The following BAZ1B variants were observed in gnomAD, a reference collection of about 807,000 sequenced individuals.
BAZ1B encodes the protein bromodomain adjacent to zinc finger domain 1B.
In BAZ1B, 22 loss-of-function variants were observed where a neutral mutation model predicts 153.8. The observed-to-expected ratio is 0.14, with a 90% CI of 0.10 to 0.20. The LOEUF is 0.20. BAZ1B is among the 10% of genes least tolerant of loss of function. The probability of loss-of-function intolerance (pLI) is 1.00; values close to 1 mark genes in which losing one functional copy is unlikely to be tolerated. For missense variants in BAZ1B, 1,325 were observed against 1,799.3 expected (o/e 0.74, Z 4.77); for synonymous variants, 676 against 633.4 (o/e 1.07, Z -1.01).
intron 1 of BAZ1B, among the ~76,000 whole-genome samples, chr7:73,516,789 A>G (rs1554579374): frequency 6.6e-6 from 1 of 150,770 alleles, no homozygotes; most frequent in African/African-American, 2.4e-5. Context: ...AAAAAAAAAA[A>G]AAAAAAAAAA....
intron 15 of BAZ1B, among the ~76,000 whole-genome samples, chr7:73,447,671 C>A (rs1360105567): frequency 6.6e-6 from 1 of 152,168 alleles, no homozygotes; most frequent in Non-Finnish European, 1.5e-5. Flanking sequence ...CTTCCCCACA[C>A]AAAGCAATAC....
chr7:73,519,387 T>C (rs1260122353), intron 1 of BAZ1B, among the ~76,000 whole-genome samples: 1 of 152,174 alleles, frequency 6.6e-6, no homozygotes, highest in Non-Finnish European at 1.5e-5. Flanking sequence ...TAAAGAAATA[T>C]GCCAATCTGC....
At chr7:73,508,506 GA>G in intron 2 of BAZ1B, 35 bp from the exon 3 acceptor site, 1 of 1,572,450 alleles carries the variant, frequency 6.4e-7, no homozygotes. Flanking sequence ...AGAAAACACA[GA>G]AACACCTACC....
At chr7:73,509,406 G>A (rs1182996786) in intron 2 of BAZ1B, among the ~76,000 whole-genome samples, 2 of 151,990 alleles carry the variant, frequency 1.3e-5, no homozygotes, top group Admixed American at 6.6e-5. Flanking sequence ...GCAAATATAC[G>A]TAAAGCACTG....
chr7:73,453,376 A>G (rs1788084287), intron 13 of BAZ1B, among the ~76,000 whole-genome samples: 2 of 152,260 alleles, frequency 1.3e-5, no homozygotes, highest in Non-Finnish European at 2.9e-5. Flanking sequence ...CTCATCTGAC[A>G]AACTAAAATG....
At chr7:73,514,908 T>C (rs1790734878) in intron 1 of BAZ1B, among the ~76,000 whole-genome samples, 1 of 151,754 alleles carries the variant, frequency 6.6e-6, no homozygotes, top group Non-Finnish European at 1.5e-5. Flanking sequence ...GGTGAAACCC[T>C]GTCTCTACTA....
Position 73,470,400 on chromosome 7 carries a change from T to C in BAZ1B, c.2677A>G (p.Lys893Glu). The C allele has an allele frequency of 6.2e-7, 1 of 1,614,176 alleles. No homozygotes were observed. Among genetic ancestry groups the C allele is most frequent in the Non-Finnish European group, 8.5e-7 (1 of 1,180,016 alleles). ...AEKAFQEGIA[K>E]AKLVMRRTPI... ...GTCCTGCGCATGACTAGTTTGGCCT[T>C]GGCAATCCCTTCCTGGAAAGCTTTC... Residue 893 changes from lysine to glutamate, a missense_variant, in exon 8 of 20, where the codon AAG (lysine) becomes GAG (glutamate). Physicochemically the swap from Lys to Glu is moderately conservative, Grantham distance 56 (BLOSUM62 1). This residue lies in a region of BAZ1B where 431 missense variants were observed against 563.5 expected (regional missense o/e 0.76). Transcript: ENST00000339594.
chr7:73,501,324 C>T (rs1554577121), intron 3 of BAZ1B, among the ~76,000 whole-genome samples: 1 of 152,156 alleles, frequency 6.6e-6, no homozygotes, highest in African/African-American at 2.4e-5. Context: ...CTTTGACAAC[C>T]TGTACAAGAT....
rs781889520 is a variant in BAZ1B, at chr7:73,508,491, T to C, written c.225-20A>G. ...TTCAAACTAAATAAATGTAATTAGT[T>C]ATCAAGAAAACACAGAAACACCTAC... On this transcript the variant is annotated intron_variant, in intron 2 of 19. Transcript: ENST00000339594. 188 of 1,589,282 alleles carry C rather than the reference T, an allele frequency of 1.2e-4. No individual in the cohort carries two copies. Among genetic ancestry groups the C allele is most frequent in the Non-Finnish European group, 1.6e-4 (184 of 1,167,732 alleles).
At chr7:73,514,060 C>T (rs1157228249) in intron 1 of BAZ1B, among the ~76,000 whole-genome samples, 1 of 152,140 alleles carries the variant, frequency 6.6e-6, no homozygotes, top group Admixed American at 6.6e-5. Flanking sequence ...ATTATACTTA[C>T]TAGTTCAGCA....
In BAZ1B at chr7:73,477,048, T is replaced by G; in HGVS notation, c.2413A>C (p.Asn805His). 6.2e-7 allele frequency: 1 copy of G among 1,614,194 alleles called. No individual in the cohort carries two copies. Among genetic ancestry groups the G allele is most frequent in the Non-Finnish European group, 8.5e-7 (1 of 1,180,028 alleles). Residue 805 changes from asparagine (N) to histidine (H), a missense_variant, in exon 7 of 20, where the codon AAT becomes CAT. Transcript: ENST00000339594. This position sits in a 1 kb window ranked among gnomAD's most constrained non-coding sequence, Gnocchi z 5.6. Reference sequence around the variant, plus strand: ...TTCTCAACTTTTCCATTTTCTTTATTTTTGGCTTCCATTTCTTTCCGTTTC... The same window carrying G: ...TTCTCAACTTTTCCATTTTCTTTATGTTTGGCTTCCATTTCTTTCCGTTTC... ...KQKRKEMEAK[N>H]KENGKVENGL...
At chr7:73,495,913 T>C (rs909581106) in intron 4 of BAZ1B, among the ~76,000 whole-genome samples, 3 of 152,160 alleles carry the variant, frequency 2.0e-5, no homozygotes, top group Non-Finnish European at 4.4e-5. Context: ...GGCTTAACAC[T>C]TGGGTGATGA....
At chr7:73,497,140 A>G (rs1789943860) in intron 4 of BAZ1B, among the ~76,000 whole-genome samples, 1 of 149,990 alleles carries the variant, frequency 6.7e-6, no homozygotes, top group Non-Finnish European at 1.5e-5. Context: ...CTACTTGGGA[A>G]GCTGAGGTGG....
At chr7:73,510,896 C>T (rs180717452) in intron 1 of BAZ1B, 44 bp from the exon 2 acceptor site, 10 of 1,505,106 alleles carry the variant, frequency 6.6e-6, no homozygotes, top group South Asian at 4.5e-5. Context: ...GCAACAGAGA[C>T]GACAAACCCA....
Position 73,492,201 on chromosome 7 carries a change from C to T in BAZ1B, c.693+599G>A, listed in dbSNP as rs577186638. Among the ~76,000 whole-genome samples, 21 of 149,614 alleles carry T rather than the reference C, an allele frequency of 1.4e-4. No individual in the cohort carries two copies. In the South Asian group the frequency reaches 2.8e-3, roughly 20 times the overall value. On this transcript the variant is annotated intron_variant, in intron 5 of 19. Transcript: ENST00000339594. ...TTTTTGAGAAGGAATCTTGCTCTAT[C>T]GCCCAGGCTGGAGTGCAGTGGCGTG...
chr7:73,442,871 G>A (rs1787681567), intron 17 of BAZ1B, 43 bp from the exon 18 acceptor site: 2 of 1,467,614 alleles, frequency 1.4e-6, no homozygotes, highest in African/African-American at 1.4e-5. Flanking sequence ...ATTCAAGACA[G>A]GAGGAAGAAT....
At chr7:73,451,480 G>A (rs1390556861) in intron 13 of BAZ1B, among the ~76,000 whole-genome samples, 1 of 152,150 alleles carries the variant, frequency 6.6e-6, no homozygotes, top group Non-Finnish European at 1.5e-5. Flanking sequence ...TAAAATACAG[G>A]TGCCAAGGAA....
intron 18 of BAZ1B, 35 bp from the exon 19 acceptor site, chr7:73,442,588 C>T: frequency 6.3e-7 from 1 of 1,582,710 alleles, no homozygotes. Flanking sequence ...ATCTGCACAG[C>T]CTTGACGGCA....
intron 7 of BAZ1B, among the ~76,000 whole-genome samples, chr7:73,473,980 A>G (rs1390840826): frequency 6.6e-6 from 1 of 152,236 alleles, no homozygotes; most frequent in East Asian, 1.9e-4. Flanking sequence ...AAAATAAAAA[A>G]GAAAATGTTG....
Sources: allele counts gnomAD v4.1 joint callset (sites outside exome capture counted in the v4.1 genomes callset), GRCh38; gene constraint gnomAD v4.1.1; regional missense constraint gnomAD v4.1.1; non-coding constraint Gnocchi (gnomAD v3.1); transcripts MANE v1.5; gene names NCBI Gene and HGNC (gene_info 2026-07-23, HGNC 2026-07-21).